Variants in AGBL4 observed in about 807,000 individuals in gnomAD.
AGBL4 encodes AGBL carboxypeptidase 4, also known as cytosolic carboxypeptidase 6.
A neutral mutation model predicts 66.4 loss-of-function variants in AGBL4; 58 were observed. That is an observed-to-expected ratio of 0.87 (90% confidence interval 0.71 to 1.09). The LOEUF is 1.09. AGBL4 is among the 50% of genes least tolerant of loss of function. The pLI, the probability that AGBL4 is intolerant of heterozygous loss-of-function variation, is 0.00. For synonymous variants in AGBL4, 234 were observed against 222.9 expected (o/e 1.05, Z -0.44); for missense variants, 579 against 631.0 (o/e 0.92, Z 0.88).
chr1:49,766,289 C>T (rs769949941), intron 2 of AGBL4, among the ~76,000 whole-genome samples: 5 of 152,102 alleles, frequency 3.3e-5, no homozygotes, highest in Non-Finnish European at 7.4e-5. Flanking sequence ...CTATTTTCAG[C>T]ATTTTTAAGA....
At chr1:49,882,398 A>G (rs1647476143) in intron 1 of AGBL4, among the ~76,000 whole-genome samples, 1 of 151,082 alleles carries the variant, frequency 6.6e-6, no homozygotes, top group African/African-American at 2.5e-5. Context: ...TATGAACTTT[A>G]AAGTAGTTTT....
In AGBL4 at chr1:48,918,798, C is replaced by A. The variant is rs192987538; in HGVS notation, c.595-51568G>T. 2.6e-5 allele frequency among the ~76,000 whole-genome samples: 4 copies of A among 152,310 alleles called. No homozygotes were observed. The East Asian group carries it at 7.7e-4, about 29-fold the overall frequency. ...CTAAGACAGTTGCTAGGAGCCCTCA[C>A]CTGGGCGTCAGCACAGCTGTATACC... On this transcript the variant is annotated intron_variant, in intron 5 of 13. Coordinates refer to ENST00000371839, the MANE Select transcript of AGBL4 (RefSeq NM_032785.4).
In AGBL4 at chr1:49,902,812, C is replaced by T. The variant is rs139648625; in HGVS notation, c.35-51294G>A. Among the ~76,000 whole-genome samples, 947 of 152,198 alleles carry T rather than the reference C, an allele frequency of 6.2e-3. 14 individuals are homozygous for T. The highest frequency in any genetic ancestry group is 0.022 in the African/African-American group (910 of 41,498). Reference sequence around the variant, plus strand: ...AAAACCACAAAGAGATACCATCTCACACCAGTCAGAATGGCTATTATTTTT... The same window carrying T: ...AAAACCACAAAGAGATACCATCTCATACCAGTCAGAATGGCTATTATTTTT... On this transcript the variant is annotated intron_variant, in intron 1 of 13. Transcript: ENST00000371839.
chr1:49,300,171 C>T (rs1015886982), intron 3 of AGBL4, among the ~76,000 whole-genome samples: 1 of 152,070 alleles, frequency 6.6e-6, no homozygotes, highest in Non-Finnish European at 1.5e-5. Context: ...TTGTTCTTCC[C>T]CAGAAATAAA....
chr1:49,317,352 A>T (rs1012402375), intron 3 of AGBL4, among the ~76,000 whole-genome samples: 2 of 151,948 alleles, frequency 1.3e-5, no homozygotes, highest in African/African-American at 4.8e-5. Context: ...GTCGAATGCG[A>T]ATATTTTGTG....
At chr1:49,699,319 T>C (rs1647044754) in intron 2 of AGBL4, among the ~76,000 whole-genome samples, 1 of 151,792 alleles carries the variant, frequency 6.6e-6, no homozygotes, top group Non-Finnish European at 1.5e-5. Flanking sequence ...ATTCTCTGTA[T>C]GTGTGTGTGT....
chr1:48,785,587 CA>C (rs1645389596), intron 6 of AGBL4, among the ~76,000 whole-genome samples: 1 of 151,948 alleles, frequency 6.6e-6, no homozygotes, highest in Admixed American at 6.6e-5. Flanking sequence ...GAGGAGAGAA[CA>C]AAATGGAAAT....
At chr1:48,541,510 G>A (rs1405518870) in intron 11 of AGBL4, among the ~76,000 whole-genome samples, 3 of 152,176 alleles carry the variant, frequency 2.0e-5, no homozygotes, top group Admixed American at 6.5e-5. Flanking sequence ...AGTGGCTCAC[G>A]CCTGTAATCT....
chr1:49,146,179 G>C (rs1646214624), intron 4 of AGBL4, among the ~76,000 whole-genome samples: 1 of 152,098 alleles, frequency 6.6e-6, no homozygotes, highest in South Asian at 2.1e-4. Flanking sequence ...ATAAGACCTA[G>C]TACTGGATAA....
intron 3 of AGBL4, among the ~76,000 whole-genome samples, chr1:49,594,350 T>C (rs1644810737): frequency 6.6e-6 from 1 of 152,204 alleles, no homozygotes. Flanking sequence ...TTTTTTAAAA[T>C]CTTTTTCTTT....
chr1:48,823,370 A>G (rs1646356513), intron 6 of AGBL4, among the ~76,000 whole-genome samples: 1 of 152,192 alleles, frequency 6.6e-6, no homozygotes, highest in Non-Finnish European at 1.5e-5. Context: ...AGGCCTATGC[A>G]CACTCCAAGG....
At chr1:50,013,760 C>A (rs1055313116) in intron 1 of AGBL4, among the ~76,000 whole-genome samples, 3 of 152,106 alleles carry the variant, frequency 2.0e-5, no homozygotes, top group African/African-American at 7.2e-5. Context: ...AAATTGTTTT[C>A]TTAAAGCACC....
chr1:49,091,730 A>G (rs1313900391), intron 4 of AGBL4, among the ~76,000 whole-genome samples: 2 of 152,144 alleles, frequency 1.3e-5, no homozygotes, highest in African/African-American at 2.4e-5. Context: ...ACATGCACGC[A>G]TATGTTTATC....
At chr1:49,778,083 C>G (rs1165524289) in intron 2 of AGBL4, among the ~76,000 whole-genome samples, 1 of 152,136 alleles carries the variant, frequency 6.6e-6, no homozygotes, top group African/African-American at 2.4e-5. Flanking sequence ...GAGTTCTAAT[C>G]CAGGCAAGTA....
chr1:49,838,827 T>A (rs1452020333), intron 2 of AGBL4, among the ~76,000 whole-genome samples: 1 of 152,166 alleles, frequency 6.6e-6, no homozygotes, highest in Non-Finnish European at 1.5e-5. Context: ...ATCATTCTAG[T>A]GGTACCTTAA....
chr1:49,972,615 A>G (rs2148366820), intron 1 of AGBL4, among the ~76,000 whole-genome samples: 1 of 152,322 alleles, frequency 6.6e-6, no homozygotes, highest in East Asian at 1.9e-4. Context: ...TCACACCATC[A>G]CAAGAAGGGT....
At chr1:48,677,880 G>A (rs947250242) in intron 6 of AGBL4, among the ~76,000 whole-genome samples, 5 of 152,186 alleles carry the variant, frequency 3.3e-5, no homozygotes, top group Non-Finnish European at 7.3e-5. Flanking sequence ...AGATACCTCC[G>A]GATTTCTGGA....
chr1:49,156,920 C>G (rs1018452289), intron 4 of AGBL4, among the ~76,000 whole-genome samples: 1 of 152,056 alleles, frequency 6.6e-6, no homozygotes, highest in Non-Finnish European at 1.5e-5. Flanking sequence ...AAAGGTATTA[C>G]TTAACATTCA....
At chr1:49,523,956 C>A (rs193028474) in intron 3 of AGBL4, among the ~76,000 whole-genome samples, 3 of 150,984 alleles carry the variant, frequency 2.0e-5, no homozygotes, top group South Asian at 2.1e-4. Context: ...AGCATTATCA[C>A]CATCATCATC....
Sources: gnomAD v4.1 joint callset for allele counts (sites outside exome capture counted in the v4.1 genomes callset) on GRCh38, gnomAD v4.1.1 for gene constraint, MANE v1.5 for transcripts, NCBI Gene and HGNC (gene_info 2026-07-23, HGNC 2026-07-21) for gene names.